Variants in ITGA11 observed in about 807,000 individuals in gnomAD.
ITGA11 encodes the protein integrin alpha-11.
In ITGA11, 97 loss-of-function variants were observed where a neutral mutation model predicts 141.9. The observed-to-expected ratio is 0.68, with a 90% CI of 0.58 to 0.81. The LOEUF (loss-of-function observed/expected upper bound fraction) is 0.81, where lower values mean the gene tolerates loss of function less well. Ranked by LOEUF, ITGA11 falls within the 30% of genes least tolerant of loss-of-function variation. The pLI, the probability that ITGA11 is intolerant of heterozygous loss-of-function variation, is 0.00. For synonymous variants in ITGA11, 658 were observed against 624.6 expected (o/e 1.05, Z -0.80); for missense variants, 1,387 against 1,559.2 (o/e 0.89, Z 1.86).
chr15:68,376,119 CAG>C (rs943624005), intron 2 of ITGA11, among the ~76,000 whole-genome samples: 12 of 152,176 alleles, frequency 7.9e-5, no homozygotes, highest in African/African-American at 2.9e-4. Flanking sequence ...ATGGGGGAAA[CAG>C]AGGCATGGCG....
At position 68,320,296 on chromosome 15, in the gene ITGA11, G is replaced by A; in HGVS notation, c.2505C>T (p.Arg835=). 1 of 1,614,004 alleles carries A rather than the reference G, an allele frequency of 6.2e-7. No individual in the cohort carries two copies. The highest frequency in any genetic ancestry group is 1.1e-5 in the South Asian group (1 of 91,074). The part of the protein sequence containing the change: ...DTTVFIIEST[R]QRVAVEATLE... ...GTGTGGCCTCCACCGCCACTCGCTG[G>A]CGTGTGCTCTCTATGATGAAGACTG... The change falls in exon 20 of 30, where the codon CGC becomes CGT. Residue 835 remains arginine (R), a synonymous_variant. Transcript: ENST00000315757.
rs1209271935 is a variant in ITGA11, at chr15:68,333,422, G to A, written c.1426-944C>T. On this transcript the variant is annotated intron_variant, in intron 12 of 29. Transcript: ENST00000315757. The surrounding 1 kb of genome is among the most constrained non-coding windows in gnomAD (Gnocchi z 4.2). ...AATTTTTGATGTTATAAATCATTCT[G>A]GCATTAGCATCGTGGATGGTGAATT... 6.6e-6 allele frequency among the ~76,000 whole-genome samples: 1 copy of A among 152,092 alleles called. No individual in the cohort carries two copies. Among genetic ancestry groups the A allele is most frequent in the African/African-American group, 2.4e-5 (1 of 41,392 alleles).
chr15:68,395,586 C>A (rs8030538), intron 2 of ITGA11, among the ~76,000 whole-genome samples: 12,944 of 144,700 alleles, frequency 0.089, 1,409 homozygotes, highest in African/African-American at 0.26. Flanking sequence ...AGATTAAATT[C>A]ATGAAATAAA....
rs1893903489 is a variant in ITGA11, at chr15:68,324,331, T to C, written c.2322+800A>G. The stretch of plus-strand genomic sequence containing the variant: ...GAACTTGAATAATTCTGAAACTGCT[T>C]CCTGGCTGGACTCTGTCACTCACAC... On this transcript the variant is annotated intron_variant, in intron 18 of 29. Coordinates refer to ENST00000315757, the MANE Select transcript of ITGA11 (RefSeq NM_001004439.2). The surrounding 1 kb of genome is among the most constrained non-coding windows in gnomAD (Gnocchi z 6.3). Among the ~76,000 whole-genome samples the C allele has an allele frequency of 6.6e-6, 1 of 152,172 alleles. No individual in the cohort carries two copies. Among genetic ancestry groups the C allele is most frequent in the Non-Finnish European group, 1.5e-5 (1 of 68,038 alleles).
intron 12 of ITGA11, 89 bp from the exon 13 acceptor site, chr15:68,332,567 G>T: frequency 6.9e-7 from 1 of 1,455,444 alleles, no homozygotes. Context: ...GGAAGCCAAG[G>T]TCATCCTTTG....
Position 68,339,484 on chromosome 15 carries a change from C to T in ITGA11, c.1276+16G>A. 6.2e-7 allele frequency: 1 copy of T among 1,607,496 alleles called. No homozygotes were observed. On this transcript the variant is annotated intron_variant, in intron 11 of 29. Coordinates refer to ENST00000315757, the MANE Select transcript of ITGA11 (RefSeq NM_001004439.2). ...GGCCCACGACCCGCCAGCCTCCCCT[C>T]ACTCTGCGCTCTTACCCAGGTATGC...
intron 2 of ITGA11, among the ~76,000 whole-genome samples, chr15:68,401,522 A>G (rs1896510024): frequency 6.6e-6 from 1 of 152,246 alleles, no homozygotes; most frequent in African/African-American, 2.4e-5. Flanking sequence ...AATACTGCTC[A>G]TCAATGGAAG....
chr15:68,359,672 AT>A (rs201957461), intron 5 of ITGA11, among the ~76,000 whole-genome samples: 8,277 of 145,512 alleles, frequency 0.057, 778 homozygotes, highest in African/African-American at 0.19. Flanking sequence ...AAACAAACAA[AT>A]AAAAAAAAAA....
chr15:68,340,165 G>A (rs1894514813), intron 10 of ITGA11, among the ~76,000 whole-genome samples: 1 of 150,556 alleles, frequency 6.6e-6, no homozygotes, highest in South Asian at 2.1e-4. Context: ...CAGGGATATT[G>A]TCCCCCGTAT....
chr15:68,385,277 G>C (rs1339874105), intron 2 of ITGA11, among the ~76,000 whole-genome samples: 2 of 152,226 alleles, frequency 1.3e-5, no homozygotes, highest in African/African-American at 4.8e-5. Context: ...ACATGCCTTT[G>C]CTGCCTCTGC....
chr15:68,426,932 T>C (rs892558936), intron 1 of ITGA11, among the ~76,000 whole-genome samples: 7 of 144,264 alleles, frequency 4.9e-5, no homozygotes, highest in African/African-American at 1.8e-4. Context: ...GAAGAATCAC[T>C]TGAACCTGGG....
intron 24 of ITGA11, 70 bp downstream of exon 24, chr15:68,312,703 T>C: frequency 8.6e-7 from 1 of 1,167,968 alleles, no homozygotes; most frequent in Non-Finnish European, 1.3e-6. Flanking sequence ...GATTCCACAT[T>C]CCTCCCCTCC....
At chr15:68,406,472 C>T (rs917337010) in intron 1 of ITGA11, among the ~76,000 whole-genome samples, 5 of 152,152 alleles carry the variant, frequency 3.3e-5, no homozygotes, top group African/African-American at 9.7e-5. Flanking sequence ...TCTTCCCATA[C>T]CTGCAAGGCT....
chr15:68,309,049 A>G (rs2140268654), intron 26 of ITGA11, among the ~76,000 whole-genome samples: 1 of 152,358 alleles, frequency 6.6e-6, no homozygotes, highest in Non-Finnish European at 1.5e-5. Context: ...TTTCAATGGA[A>G]ATTTTAAACA....
Position 68,314,847 on chromosome 15 carries a change from C to A in ITGA11, c.2792+804G>T, listed in dbSNP as rs540563702. Among the ~76,000 whole-genome samples, 7 of 152,122 alleles carry A rather than the reference C, an allele frequency of 4.6e-5. No homozygotes were observed. In the South Asian group the frequency reaches 1.2e-3, roughly 27 times the overall value. ...GCGCTTATGTGACCTCTGACCTGCA[C>A]GTGTGTGTGCTGGAATGTTAGTGTT... On this transcript the variant is annotated intron_variant, in intron 22 of 29. Transcript: ENST00000315757.
In ITGA11 at chr15:68,307,793, AG is replaced by A; in HGVS notation, c.3175-98del. 1 of 768,500 alleles carries A rather than the reference AG, an allele frequency of 1.3e-6. No homozygotes were observed. The highest frequency in any genetic ancestry group is 2.2e-6 in the Non-Finnish European group (1 of 458,662). The allele number at this position is 768,500 out of a possible 1,614,324, so 47.6% of individuals were successfully genotyped here. A position where few individuals can be genotyped will look rare whatever the true frequency, so the allele number is the denominator to read the frequency against. ...CGACTGGGGCTCTGCTCCTGGGGGC[AG>A]GGGCAGAGGACAGGGGACAAAGAGA... On this transcript the variant is annotated intron_variant, in intron 26 of 29. Transcript: ENST00000315757. This position sits in a 1 kb window ranked among gnomAD's most constrained non-coding sequence, Gnocchi z 6.1.
rs78739309 is a variant in ITGA11, at chr15:68,298,442, T to C, written c.*4617A>G. 6.6e-6 allele frequency: 1 copy of C among 151,884 alleles called. No individual in the cohort carries two copies. The highest frequency in any genetic ancestry group is 1.5e-5 in the Non-Finnish European group (1 of 68,006). 9.4% of individuals were successfully genotyped at this position (151,884 alleles called of 1,614,324 possible). A position where few individuals can be genotyped will look rare whatever the true frequency, so the allele number is the denominator to read the frequency against. ...AGAGAGACCAGTGTGGGCAACAAAGTGAGACCCCCTCTCTGCACAAAATTA... is the reference window on the plus strand; with the variant it reads ...AGAGAGACCAGTGTGGGCAACAAAGCGAGACCCCCTCTCTGCACAAAATTA... On this transcript the variant is annotated 3_prime_UTR_variant, in exon 30 of 30. Coordinates refer to ENST00000315757, the MANE Select transcript of ITGA11 (RefSeq NM_001004439.2).
intron 2 of ITGA11, among the ~76,000 whole-genome samples, chr15:68,396,979 A>T (rs1323245571): frequency 9.4e-5 from 4 of 42,484 alleles, no homozygotes; most frequent in Admixed American, 4.7e-4. Context: ...AATATATTAT[A>T]TATTATTTAT....
At position 68,402,989 on chromosome 15, in the gene ITGA11, C is replaced by T. The variant is rs191820135; in HGVS notation, c.93G>A (p.Arg31=). The change falls in exon 2 of 30, where the codon CGG becomes CGA. Residue 31 remains arginine (R), a synonymous_variant. Transcript: ENST00000315757. ...AGGCGGTCCTGGAGCCAGGGATGAC[C>T]CGGGGCTTCCTGGTGTCCATGTTGA... ...DTFNMDTRKP[R]VIPGSRTAFF... The T allele has an allele frequency of 8.1e-5, 130 of 1,613,690 alleles. No individual in the cohort carries two copies. The African/African-American group carries it at 1.4e-3, about 17-fold the overall frequency.
Sources: allele counts gnomAD v4.1 joint callset (sites outside exome capture counted in the v4.1 genomes callset), GRCh38; gene constraint gnomAD v4.1.1; non-coding constraint Gnocchi (gnomAD v3.1); transcripts MANE v1.5; gene names NCBI Gene and HGNC (gene_info 2026-07-23, HGNC 2026-07-21).